DLGAP2: variants seen among roughly 807,000 people sequenced by gnomAD.
DLGAP2 encodes DLG associated protein 2.
In DLGAP2, 26 loss-of-function variants were observed where a neutral mutation model predicts 100.3. The ratio of observed to expected loss-of-function variants is 0.26; its 90% CI spans 0.19 to 0.36. The LOEUF (loss-of-function observed/expected upper bound fraction) is 0.36, where lower values mean the gene tolerates loss of function less well. Among genes scored for constraint, DLGAP2 ranks in the 10% least tolerant of loss-of-function variants. DLGAP2 has a pLI of 1.00. For synonymous variants in DLGAP2, 886 were observed against 630.1 expected (o/e 1.41, Z -6.08); for missense variants, 1,858 against 1,453.2 (o/e 1.28, Z -4.53).
intron 1 of DLGAP2, among the ~76,000 whole-genome samples, chr8:827,205 G>C (rs1444213431): frequency 6.6e-6 from 1 of 152,128 alleles, no homozygotes; most frequent in Non-Finnish European, 1.5e-5. Context: ...TGCTGAAAAA[G>C]GCTTCATTTG....
intron 1 of DLGAP2, among the ~76,000 whole-genome samples, chr8:825,651 T>A (rs1207189467): frequency 6.6e-6 from 1 of 152,218 alleles, no homozygotes; most frequent in Non-Finnish European, 1.5e-5. Flanking sequence ...ATTTTATTGA[T>A]TTTATCAATG....
intron 1 of DLGAP2, among the ~76,000 whole-genome samples, chr8:782,894 C>G (rs989795363): frequency 6.6e-6 from 1 of 152,146 alleles, no homozygotes; most frequent in Non-Finnish European, 1.5e-5. Context: ...AGAACCAACC[C>G]CCAAATCACA....
chr8:1,257,051 C>G (rs1227386029), intron 2 of DLGAP2, among the ~76,000 whole-genome samples: 1 of 152,182 alleles, frequency 6.6e-6, no homozygotes, highest in Non-Finnish European at 1.5e-5. Context: ...TCTCTCCCGT[C>G]CCCTCCACCG....
At chr8:912,703 G>C (rs943761875) in intron 2 of DLGAP2, among the ~76,000 whole-genome samples, 1 of 144,236 alleles carries the variant, frequency 6.9e-6, no homozygotes, top group African/African-American at 2.5e-5. Context: ...CGTGGTGCCC[G>C]CCTTCCTCTC....
At chr8:1,107,690 C>T (rs1563196157) in intron 2 of DLGAP2, among the ~76,000 whole-genome samples, 3 of 152,234 alleles carry the variant, frequency 2.0e-5, no homozygotes, top group Non-Finnish European at 4.4e-5. Flanking sequence ...TGCTCTGTCC[C>T]AGCAGAGCTG....
intron 3 of DLGAP2, among the ~76,000 whole-genome samples, chr8:1,284,689 T>C (rs982241366): frequency 6.6e-6 from 1 of 152,228 alleles, no homozygotes; most frequent in Non-Finnish European, 1.5e-5. Context: ...TGGCACCGTC[T>C]CAGCTCAGTG....
intron 6 of DLGAP2, among the ~76,000 whole-genome samples, chr8:1,613,403 G>C (rs1307528074): frequency 6.6e-6 from 1 of 151,506 alleles, no homozygotes; most frequent in African/African-American, 2.4e-5. Flanking sequence ...GGGGTGGGGG[G>C]AGCGGGGAGG....
intron 2 of DLGAP2, among the ~76,000 whole-genome samples, chr8:931,410 C>G: frequency 6.6e-6 from 1 of 152,344 alleles, no homozygotes; most frequent in East Asian, 1.9e-4. Flanking sequence ...GAAAAAGCAT[C>G]AGGAACATGT....
intron 2 of DLGAP2, among the ~76,000 whole-genome samples, chr8:1,071,374 A>G (rs1803425900): frequency 6.6e-6 from 1 of 150,738 alleles, no homozygotes; most frequent in Non-Finnish European, 1.5e-5. Flanking sequence ...TTCCTGGATG[A>G]CTCCCCTCCC....
intron 1 of DLGAP2, among the ~76,000 whole-genome samples, chr8:761,709 A>G (rs1268099767): frequency 6.6e-6 from 1 of 152,180 alleles, no homozygotes; most frequent in East Asian, 1.9e-4. Context: ...AACCCTTCCT[A>G]GAAGACGGCC....
intron 6 of DLGAP2, among the ~76,000 whole-genome samples, chr8:1,584,485 G>A (rs1254891530): frequency 6.6e-6 from 1 of 152,178 alleles, no homozygotes; most frequent in Non-Finnish European, 1.5e-5. Context: ...CTCCACTACC[G>A]TGGGCTGCTG....
intron 2 of DLGAP2, among the ~76,000 whole-genome samples, chr8:1,226,028 A>G (rs142126494): frequency 2.0e-5 from 3 of 152,286 alleles, no homozygotes; most frequent in African/African-American, 4.8e-5. Flanking sequence ...ATGCATATAT[A>G]TGGTATATAT....
intron 3 of DLGAP2, among the ~76,000 whole-genome samples, chr8:1,260,316 A>G (rs1280225400): frequency 2.6e-5 from 4 of 152,070 alleles, no homozygotes; most frequent in Non-Finnish European, 4.4e-5. Flanking sequence ...CCCCTCACCG[A>G]GAGTTTTCAG....
chr8:809,208 G>T (rs1796323852), intron 1 of DLGAP2, among the ~76,000 whole-genome samples: 1 of 152,106 alleles, frequency 6.6e-6, no homozygotes, highest in Admixed American at 6.6e-5. Flanking sequence ...CCCGGCCAAT[G>T]ATTACTTCTT....
At chr8:761,294 C>G (rs1402377351) in intron 1 of DLGAP2, among the ~76,000 whole-genome samples, 1 of 152,168 alleles carries the variant, frequency 6.6e-6, no homozygotes, top group Admixed American at 6.5e-5. Flanking sequence ...TTCTTTCTTT[C>G]TGAACTCCTT....
chr8:1,189,018 G>A (rs1327115266), intron 2 of DLGAP2, among the ~76,000 whole-genome samples: 1 of 151,300 alleles, frequency 6.6e-6, no homozygotes, highest in Non-Finnish European at 1.5e-5. Flanking sequence ...CCTTACACAG[G>A]GTTCGGGCCC....
intron 1 of DLGAP2, among the ~76,000 whole-genome samples, chr8:823,451 T>G (rs1401905698): frequency 6.6e-6 from 1 of 152,126 alleles, no homozygotes; most frequent in Admixed American, 6.5e-5. Context: ...TACTGTGAAT[T>G]AGTTAGGGTG....
At chr8:1,206,882 C>G (rs891368373) in intron 2 of DLGAP2, among the ~76,000 whole-genome samples, 1 of 152,200 alleles carries the variant, frequency 6.6e-6, no homozygotes, top group African/African-American at 2.4e-5. Flanking sequence ...CGATCCATCC[C>G]TGTCCCCGGT....
At chr8:1,009,037 C>G (rs960068958) in intron 2 of DLGAP2, among the ~76,000 whole-genome samples, 3 of 152,238 alleles carry the variant, frequency 2.0e-5, no homozygotes, top group Non-Finnish European at 4.4e-5. Flanking sequence ...TGGGATTTCC[C>G]TGGCAAAAGC....
Sources: allele counts gnomAD v4.1 joint callset (sites outside exome capture counted in the v4.1 genomes callset), GRCh38; gene constraint gnomAD v4.1.1; transcripts MANE v1.5; gene names NCBI Gene and HGNC (gene_info 2026-07-23, HGNC 2026-07-21).